Variants in BBS9 observed in about 807,000 individuals in gnomAD.
The protein encoded by BBS9 is Bardet-Biedl syndrome 9, also known as protein PTHB1.
In BBS9, 89 loss-of-function variants were observed where a neutral mutation model predicts 117.7. That is an observed-to-expected ratio of 0.76 (90% CI 0.64 to 0.90). BBS9 has a LOEUF of 0.90. Among genes scored for constraint, BBS9 ranks in the 40% least tolerant of loss-of-function variants. The pLI, the probability that BBS9 is intolerant of heterozygous loss-of-function variation, is 0.00. For synonymous variants in BBS9, 379 were observed against 370.9 expected (o/e 1.02, Z -0.25); for missense variants, 982 against 1,042.2 (o/e 0.94, Z 0.80).
At chr7:33,141,994 G>A (rs550821707) in intron 1 of BBS9, among the ~76,000 whole-genome samples, 1 of 151,720 alleles carries the variant, frequency 6.6e-6, no homozygotes, top group Admixed American at 6.6e-5. Flanking sequence ...GGACTGCAGT[G>A]GTGCTATCTC....
At chr7:33,317,048 T>A (rs1810654826) in intron 9 of BBS9, among the ~76,000 whole-genome samples, 1 of 152,238 alleles carries the variant, frequency 6.6e-6, no homozygotes, top group Non-Finnish European at 1.5e-5. Context: ...TTGTGTATAA[T>A]GTGAGGCTTA....
Position 33,258,513 on chromosome 7 carries a change from TA to T in BBS9, c.617+1104del, listed in dbSNP as rs143310827. ...ATTTAGGAAGTGTATCATCATGTAA[TA>T]TTCCTTCTGTAATTCTTATGGCTCT... On this transcript the variant is annotated intron_variant, in intron 6 of 22. Transcript: ENST00000242067. 5.3e-3 allele frequency among the ~76,000 whole-genome samples: 811 copies of T among 152,342 alleles called. 11 individuals carry two copies. Among genetic ancestry groups the T allele is most frequent in the African/African-American group, 0.019 (776 of 41,578 alleles).
At chr7:33,382,986 A>C (rs972218524) in intron 17 of BBS9, among the ~76,000 whole-genome samples, 1 of 152,178 alleles carries the variant, frequency 6.6e-6, no homozygotes, top group African/African-American at 2.4e-5. Context: ...ATGCCCAACA[A>C]ATAATAGCTG....
At chr7:33,328,345 A>T (rs1333432552) in intron 9 of BBS9, among the ~76,000 whole-genome samples, 1 of 152,212 alleles carries the variant, frequency 6.6e-6, no homozygotes, top group Non-Finnish European at 1.5e-5. Context: ...ATTAGACCAA[A>T]GATTTTTATA....
At chr7:33,314,341 A>G (rs1809993079) in intron 9 of BBS9, 3 of 401,682 alleles carry the variant, frequency 7.5e-6, no homozygotes, top group South Asian at 2.0e-5. Context: ...GAGAGGATAT[A>G]TCTGAATACT....
chr7:33,173,016 C>G (rs1361386104), intron 4 of BBS9, among the ~76,000 whole-genome samples: 1 of 152,108 alleles, frequency 6.6e-6, no homozygotes, highest in Admixed American at 6.5e-5. Flanking sequence ...AGAAGGGTTT[C>G]AAGATAGCCA....
At chr7:33,549,532 A>G (rs1261955190) in intron 21 of BBS9, among the ~76,000 whole-genome samples, 3 of 151,088 alleles carry the variant, frequency 2.0e-5, no homozygotes, top group Non-Finnish European at 2.9e-5. Context: ...TACTCATCTG[A>G]CAAAGGGCTA....
intron 21 of BBS9, among the ~76,000 whole-genome samples, chr7:33,545,880 G>C (rs564937857): frequency 1.9e-5 from 2 of 103,282 alleles, no homozygotes; most frequent in East Asian, 3.0e-4. Flanking sequence ...TGTACATTCT[G>C]TTTTATAAAA....
chr7:33,292,133 T>A (rs548505987), intron 9 of BBS9, among the ~76,000 whole-genome samples: 4 of 152,332 alleles, frequency 2.6e-5, no homozygotes, highest in Middle Eastern at 3.4e-3. Flanking sequence ...AACAAGTGAC[T>A]CACTTAGAAG....
intron 20 of BBS9, among the ~76,000 whole-genome samples, chr7:33,507,698 A>T (rs1401528171): frequency 2.0e-5 from 3 of 152,230 alleles, no homozygotes; most frequent in Non-Finnish European, 4.4e-5. Context: ...GGAAAGGGTG[A>T]AAACTAACAA....
At chr7:33,454,538 C>T (rs191968861) in intron 19 of BBS9, among the ~76,000 whole-genome samples, 1 of 152,330 alleles carries the variant, frequency 6.6e-6, no homozygotes, top group African/African-American at 2.4e-5. Flanking sequence ...ATCTTTGATA[C>T]TGGAGAAGGA....
intron 7 of BBS9, among the ~76,000 whole-genome samples, chr7:33,265,484 C>G (rs1394514676): frequency 1.3e-5 from 2 of 152,088 alleles, no homozygotes; most frequent in African/African-American, 4.8e-5. Flanking sequence ...GAGCAAGTTA[C>G]AGCAAGTTTG....
chr7:33,503,930 C>G (rs541257690), intron 19 of BBS9, among the ~76,000 whole-genome samples: 10 of 152,222 alleles, frequency 6.6e-5, no homozygotes, highest in Middle Eastern at 3.4e-3. Flanking sequence ...AAAAGAGGCC[C>G]CAGGGATGTT....
At position 33,351,239 on chromosome 7, in the gene BBS9, G is replaced by C. The variant is rs1245905683; in HGVS notation, c.1453G>C (p.Val485Leu). 2 of 1,611,026 alleles carry C rather than the reference G, an allele frequency of 1.2e-6. No homozygotes were observed. The highest frequency in any genetic ancestry group is 1.7e-6 in the Non-Finnish European group (2 of 1,177,328). The change falls in exon 14 of 23, where the codon GTA becomes CTA. Residue 485 changes from valine (V) to leucine (L), a missense_variant. Physicochemically the swap from Val to Leu is conservative, Grantham distance 32. Transcript: ENST00000242067. ...TATAGCACCAGATTTGACTAGAACAGTAAGCTTTTCTGTTTATCTGAAAAG... is the reference window on the plus strand; with the variant it reads ...TATAGCACCAGATTTGACTAGAACACTAAGCTTTTCTGTTTATCTGAAAAG... The part of the protein sequence containing the change: ...EFMTPDLTRT[V>L]SFSVYLKRSY...
intron 20 of BBS9, among the ~76,000 whole-genome samples, chr7:33,516,487 CAA>C (rs61006845): frequency 2.5e-4 from 13 of 51,520 alleles, no homozygotes; most frequent in African/African-American, 6.0e-4. Flanking sequence ...ATTTCATCTC[CAA>C]AAAAAAAAAA....
Position 33,605,670 on chromosome 7 carries a change from G to A in BBS9, c.*444G>A, listed in dbSNP as rs75625812. ...TATTTATAATTAGAGGGATTTATGA[G>A]TGATTGCTCTACATTATTTCTTCAA... On this transcript the variant is annotated 3_prime_UTR_variant, in exon 23 of 23. Transcript: ENST00000242067. 4.9e-4 allele frequency: 103 copies of A among 208,854 alleles called. 1 individual carries two copies. The East Asian group carries it at 0.01, about 20-fold the overall frequency. 12.9% of individuals were successfully genotyped at this position (208,854 alleles called of 1,614,324 possible).
At chr7:33,632,412 C>G (rs1865934061) in intron 21 of BBS9, among the ~76,000 whole-genome samples, 1 of 152,322 alleles carries the variant, frequency 6.6e-6, no homozygotes, top group East Asian at 1.9e-4. Context: ...GTACAATGAG[C>G]CACAAGTGAG....
chr7:33,634,378 T>C (rs1236359802), intron 21 of BBS9, among the ~76,000 whole-genome samples: 1 of 152,214 alleles, frequency 6.6e-6, no homozygotes, highest in Non-Finnish European at 1.5e-5. Context: ...AGCTCAGTGG[T>C]CACACTATTA....
chr7:33,424,415 C>T (rs1029832283), intron 19 of BBS9, among the ~76,000 whole-genome samples: 1 of 152,124 alleles, frequency 6.6e-6, no homozygotes, highest in Admixed American at 6.6e-5. Flanking sequence ...ATACAGATTC[C>T]TGAGCTCCAC....
Sources: allele counts gnomAD v4.1 joint callset (sites outside exome capture counted in the v4.1 genomes callset), GRCh38; gene constraint gnomAD v4.1.1; transcripts MANE v1.5; gene names NCBI Gene and HGNC (gene_info 2026-07-23, HGNC 2026-07-21).